Variants in PIBF1 observed in about 807,000 individuals in gnomAD.
PIBF1 encodes progesterone immunomodulatory binding factor 1.
Under a neutral mutation model 112.5 loss-of-function variants are expected in PIBF1, and 90 were observed. The observed-to-expected ratio is 0.80, with a 90% CI of 0.67 to 0.95. The LOEUF is 0.95. Among genes scored for constraint, PIBF1 ranks in the 40% least tolerant of loss-of-function variants. The pLI, the probability that PIBF1 is intolerant of heterozygous loss-of-function variation, is 0.00. For synonymous variants in PIBF1, 301 were observed against 288.6 expected (o/e 1.04, Z -0.44); for missense variants, 915 against 852.3 (o/e 1.07, Z -0.92).
chr13:72,859,956 G>T (rs1396801133), intron 10 of PIBF1, among the ~76,000 whole-genome samples: 1 of 152,138 alleles, frequency 6.6e-6, no homozygotes, highest in Non-Finnish European at 1.5e-5. Flanking sequence ...GAAAAAGCTG[G>T]ATTTCTTACT....
rs116541856 is a variant in PIBF1, at chr13:72,938,366, T to A, written c.1833+7099T>A. 5.3e-3 allele frequency among the ~76,000 whole-genome samples: 808 copies of A among 152,210 alleles called. 15 individuals carry two copies. The highest frequency in any genetic ancestry group is 0.018 in the African/African-American group (759 of 41,526). ...TAAGCAGTGACTCCCCATTCCCGCC[T>A]CCACCTCAGTCCCCCACAAGCAATA... On this transcript the variant is annotated intron_variant, in intron 14 of 17. Coordinates refer to ENST00000326291, the MANE Select transcript of PIBF1 (RefSeq NM_006346.4).
rs535186465 is a variant in PIBF1, at chr13:72,947,022, C to G, written c.1833+15755C>G. Among the ~76,000 whole-genome samples the G allele has an allele frequency of 2.0e-5, 3 of 152,308 alleles. No homozygotes were observed. In the East Asian group the frequency reaches 5.8e-4, roughly 29 times the overall value. Reference sequence around the variant, plus strand: ...CTAGTGTGGACTTTTTGTGGGTGCTCCAACCCCACATTTCCCTTCCGCACT... The same window carrying G: ...CTAGTGTGGACTTTTTGTGGGTGCTGCAACCCCACATTTCCCTTCCGCACT... On this transcript the variant is annotated intron_variant, in intron 14 of 17. Coordinates refer to ENST00000326291, the MANE Select transcript of PIBF1 (RefSeq NM_006346.4).
At chr13:72,805,182 G>A (rs752685213) in intron 5 of PIBF1, among the ~76,000 whole-genome samples, 5 of 152,054 alleles carry the variant, frequency 3.3e-5, no homozygotes, top group Admixed American at 2.0e-4. Flanking sequence ...TCGCTTTGTC[G>A]CCCAGGCTGG....
At chr13:72,805,561 G>C (rs563427224) in intron 5 of PIBF1, among the ~76,000 whole-genome samples, 1 of 152,236 alleles carries the variant, frequency 6.6e-6, no homozygotes, top group African/African-American at 2.4e-5. Flanking sequence ...TTTAAGGTTG[G>C]ATATTTTAAG....
chr13:72,989,733 C>G (rs2043411184), intron 16 of PIBF1, among the ~76,000 whole-genome samples: 1 of 152,004 alleles, frequency 6.6e-6, no homozygotes, highest in South Asian at 2.1e-4. Flanking sequence ...ATACTAAAAA[C>G]CATTGAATTA....
At chr13:72,809,373 A>G (rs2035893791) in intron 5 of PIBF1, among the ~76,000 whole-genome samples, 1 of 151,826 alleles carries the variant, frequency 6.6e-6, no homozygotes, top group African/African-American at 2.4e-5. Flanking sequence ...ATATGTATTC[A>G]GAGATGTCTC....
intron 9 of PIBF1, 101 bp downstream of exon 9, chr13:72,835,469 A>C (rs942988557): frequency 1.2e-6 from 1 of 864,966 alleles, no homozygotes; most frequent in African/African-American, 1.8e-5. Context: ...GTCTTTTTTA[A>C]TACATTAGAG....
intron 16 of PIBF1, among the ~76,000 whole-genome samples, chr13:72,995,299 T>TG (rs2043613147): frequency 8.0e-6 from 1 of 125,246 alleles, no homozygotes; most frequent in Non-Finnish European, 1.8e-5. Flanking sequence ...AGACTCCGTC[T>TG]CAAAAAAAAA....
chr13:72,826,815 A>G (rs1000918834), intron 6 of PIBF1, among the ~76,000 whole-genome samples, 195 bp from the exon 7 acceptor site: 4 of 152,194 alleles, frequency 2.6e-5, no homozygotes, highest in African/African-American at 9.6e-5. Context: ...ATTGATATGT[A>G]TGTATTTGAA....
At position 72,871,016 on chromosome 13, in the gene PIBF1, A is replaced by C. The variant is rs960745089; in HGVS notation, c.1322+16861A>C. On this transcript the variant is annotated intron_variant, in intron 10 of 17. Transcript: ENST00000326291. ...GAATTAGCTTGGCAGTAATATATGT[A>C]TATATATTTATGGTAATTCAAGATG... Among the ~76,000 whole-genome samples, 3 of 152,064 alleles carry C rather than the reference A, an allele frequency of 2.0e-5. No individual in the cohort carries two copies. In the South Asian group the frequency reaches 6.2e-4, roughly 32 times the overall value.
At chr13:72,927,951 A>ATATATATG (rs2041547042) in intron 13 of PIBF1, among the ~76,000 whole-genome samples, 1 of 63,908 alleles carries the variant, frequency 1.6e-5, no homozygotes, top group African/African-American at 6.4e-5. Context: ...GTGTGTATAT[A>ATATATATG]TATATATACA....
intron 10 of PIBF1, among the ~76,000 whole-genome samples, chr13:72,891,334 C>T (rs1487095496): frequency 1.3e-5 from 2 of 151,958 alleles, no homozygotes; most frequent in African/African-American, 4.8e-5. Context: ...ATTACTTATC[C>T]AGAATTTATT....
chr13:73,008,294 C>A (rs774940304), intron 17 of PIBF1, among the ~76,000 whole-genome samples: 7 of 152,152 alleles, frequency 4.6e-5, no homozygotes, highest in Non-Finnish European at 1.0e-4. Flanking sequence ...CATTTCCACT[C>A]AAAAATCAGG....
chr13:72,893,452 A>T (rs1336935669), intron 10 of PIBF1, among the ~76,000 whole-genome samples: 1 of 152,172 alleles, frequency 6.6e-6, no homozygotes, highest in Non-Finnish European at 1.5e-5. Context: ...CATAGATTTA[A>T]AAAGGCCTAT....
Position 72,850,885 on chromosome 13 carries a change from T to G in PIBF1, c.1224-3172T>G, listed in dbSNP as rs143430356. Among the ~76,000 whole-genome samples, 341 of 152,316 alleles carry G rather than the reference T, an allele frequency of 2.2e-3. 1 individual carries two copies. Among genetic ancestry groups the G allele is most frequent in the African/African-American group, 7.8e-3 (324 of 41,572 alleles). The stretch of plus-strand genomic sequence containing the variant: ...TAATATGCCATTTTTTGATAGCTAC[T>G]TTAGAATGCACTTCCACTTAGTAAC... On this transcript the variant is annotated intron_variant, in intron 9 of 17. Transcript: ENST00000326291.
At chr13:72,873,552 G>A (rs902968707) in intron 10 of PIBF1, among the ~76,000 whole-genome samples, 6 of 152,064 alleles carry the variant, frequency 3.9e-5, no homozygotes, top group African/African-American at 7.2e-5. Flanking sequence ...TCAGGCATGC[G>A]TCGCCACGCC....
At chr13:72,978,830 G>A (rs990502616) in intron 16 of PIBF1, among the ~76,000 whole-genome samples, 16 of 152,102 alleles carry the variant, frequency 1.1e-4, no homozygotes, top group African/African-American at 3.6e-4. Context: ...AAACTGATAG[G>A]AACTCACTTT....
At chr13:72,930,242 C>G (rs1022472884) in intron 13 of PIBF1, among the ~76,000 whole-genome samples, 1 of 152,028 alleles carries the variant, frequency 6.6e-6, no homozygotes, top group African/African-American at 2.4e-5. Flanking sequence ...TTTTTCTGCC[C>G]TATGATTTTA....
chr13:72,787,026 T>A (rs2034635210), intron 2 of PIBF1, among the ~76,000 whole-genome samples: 1 of 152,162 alleles, frequency 6.6e-6, no homozygotes, highest in Non-Finnish European at 1.5e-5. Context: ...TGAGAAAGTG[T>A]GAGTCTGGAG....
Sources: gnomAD v4.1 joint callset for allele counts (sites outside exome capture counted in the v4.1 genomes callset) on GRCh38, gnomAD v4.1.1 for gene constraint, MANE v1.5 for transcripts, NCBI Gene and HGNC (gene_info 2026-07-23, HGNC 2026-07-21) for gene names.